DENND4A: variants seen among roughly 807,000 people sequenced by gnomAD.
The protein encoded by DENND4A is DENN domain containing 4A, also known as C-myc promoter-binding protein.
In DENND4A, 70 loss-of-function variants were observed where a neutral mutation model predicts 199.3. That is an observed-to-expected ratio of 0.35 (90% CI 0.29 to 0.43). The LOEUF (loss-of-function observed/expected upper bound fraction) is 0.43. DENND4A is among the 20% of genes least tolerant of loss of function. DENND4A has a pLI of 1.00. For synonymous variants in DENND4A, 686 were observed against 766.9 expected (o/e 0.89, Z 1.74); for missense variants, 1,723 against 2,255.8 (o/e 0.76, Z 4.78).
At chr15:65,764,501 T>C (rs1223095985) in intron 1 of DENND4A, among the ~76,000 whole-genome samples, 4 of 152,000 alleles carry the variant, frequency 2.6e-5, no homozygotes, top group Non-Finnish European at 4.4e-5. Flanking sequence ...CGTGGAGGCA[T>C]GTGCCTGTAA....
At chr15:65,741,550 A>T (rs2076262681) in intron 5 of DENND4A, among the ~76,000 whole-genome samples, 165 bp downstream of exon 5, 1 of 152,226 alleles carries the variant, frequency 6.6e-6, no homozygotes, top group Admixed American at 6.5e-5. Context: ...TCTTCCATCA[A>T]GCATCCAATA....
intron 24 of DENND4A, among the ~76,000 whole-genome samples, chr15:65,675,474 C>G (rs1372255743): frequency 1.3e-5 from 2 of 150,890 alleles, no homozygotes; most frequent in African/African-American, 2.4e-5. Context: ...AAAAAAACAC[C>G]CCCAAAAAAC....
At chr15:65,746,932 C>CT (rs1474908490) in intron 4 of DENND4A, among the ~76,000 whole-genome samples, 1 of 145,904 alleles carries the variant, frequency 6.9e-6, no homozygotes, top group Non-Finnish European at 1.5e-5. Flanking sequence ...CCTGTCTCTA[C>CT]TAAAAAAAAA....
In DENND4A at chr15:65,723,820, C is replaced by T. The variant is rs147665677; in HGVS notation, c.1488-872G>A. On this transcript the variant is annotated intron_variant, in intron 11 of 32. Transcript: ENST00000443035. Reference sequence around the variant, plus strand: ...TCTCAAAATAACTTATTGTACTGTACTCATGTACTTTCAGACTATAGTTGG... The same window carrying T: ...TCTCAAAATAACTTATTGTACTGTATTCATGTACTTTCAGACTATAGTTGG... Among the ~76,000 whole-genome samples, 1,005 of 152,272 alleles carry T rather than the reference C, an allele frequency of 6.6e-3. 11 individuals carry two copies. Among genetic ancestry groups the T allele is most frequent in the African/African-American group, 0.023 (965 of 41,558 alleles).
chr15:65,772,071 C>T lies in DENND4A; in HGVS notation c.-101-10633G>A, dbSNP rs536130620. 4.9e-6 allele frequency: 6 copies of T among 1,214,332 alleles called. No individual in the cohort carries two copies. The Admixed American group carries it at 5.2e-5, about 10-fold the overall frequency. 75.2% of individuals were successfully genotyped at this position (1,214,332 alleles called of 1,614,324 possible). On this transcript the variant is annotated intron_variant, in intron 1 of 32. Transcript: ENST00000443035. Reference sequence around the variant, plus strand: ...CTGCAGGAAACGCTGGGCCTTCTCGCGGTTGCCAGCATTCAGAGCCTCCTG... The same window carrying T: ...CTGCAGGAAACGCTGGGCCTTCTCGTGGTTGCCAGCATTCAGAGCCTCCTG...
chr15:65,707,689 A>AAT, intron 14 of DENND4A, among the ~76,000 whole-genome samples: 1 of 144,668 alleles, frequency 6.9e-6, no homozygotes, highest in African/African-American at 2.5e-5. Context: ...ACATATTATG[A>AAT]TTTTTTTTTT....
Position 65,702,515 on chromosome 15 carries a change from G to GA in DENND4A, c.2224-5dup, listed in dbSNP as rs773005075. The GA allele has an allele frequency of 6.4e-7, 1 of 1,564,524 alleles. No homozygotes were observed. Among genetic ancestry groups the GA allele is most frequent in the Non-Finnish European group, 8.7e-7 (1 of 1,154,526 alleles). ...TTTTATGGGCTGATTTAATTTCCTG[G>GA]AAAAAATATAAAGATCTTACTAATA... On this transcript the variant is annotated splice_polypyrimidine_tract_variant and splice_region_variant and intron_variant, in intron 16 of 32. Transcript: ENST00000443035.
intron 14 of DENND4A, 185 bp downstream of exon 14, chr15:65,715,293 A>G (rs1033677429): frequency 4.1e-6 from 2 of 492,616 alleles, no homozygotes; most frequent in Non-Finnish European, 6.8e-6. Flanking sequence ...AAATTCTACA[A>G]GGTAATTGTA....
At position 65,670,382 on chromosome 15, in the gene DENND4A, G is replaced by C. The variant is rs371148289; in HGVS notation, c.4465-194C>G. Among the ~76,000 whole-genome samples the C allele has an allele frequency of 7.2e-5, 11 of 152,264 alleles. No individual in the cohort carries two copies. In the South Asian group the frequency reaches 2.3e-3, roughly 32 times the overall value. ...TAAATCCATTCCAGAATTTTTGCCT[G>C]AAAGGGAAACTTGCTTTTAAGTGAG... is the stretch of plus-strand genomic sequence containing the variant. On this transcript the variant is annotated intron_variant, in intron 25 of 32. Coordinates refer to ENST00000443035, the MANE Select transcript of DENND4A (RefSeq NM_001320835.1).
At chr15:65,677,298 C>T (rs1157285911) in intron 23 of DENND4A, among the ~76,000 whole-genome samples, 7 of 152,184 alleles carry the variant, frequency 4.6e-5, no homozygotes, top group Non-Finnish European at 8.8e-5. Flanking sequence ...CAGCCTCTGC[C>T]TCCCAGGCTC....
In DENND4A at chr15:65,771,404, TC is replaced by T. The variant is rs2077120972; in HGVS notation, c.-101-9967del. 6 of 1,583,566 alleles carry T rather than the reference TC, an allele frequency of 3.8e-6. No homozygotes were observed. In the Admixed American group the frequency reaches 1.0e-4, roughly 26 times the overall value. On this transcript the variant is annotated intron_variant, in intron 1 of 32. Transcript: ENST00000443035. ...CATTCCTTTATATTCATTTTTAAAG[TC>T]CTTGCTGACATAATAAACACCACCC...
chr15:65,739,636 G>A (rs2076202954), intron 5 of DENND4A, among the ~76,000 whole-genome samples: 1 of 152,104 alleles, frequency 6.6e-6, no homozygotes, highest in African/African-American at 2.4e-5. Flanking sequence ...AGATAAACTG[G>A]GGGAATATAA....
At chr15:65,772,408 A>G (rs2077158506) in intron 1 of DENND4A, among the ~76,000 whole-genome samples, 1 of 152,124 alleles carries the variant, frequency 6.6e-6, no homozygotes, top group Non-Finnish European at 1.5e-5. Flanking sequence ...TCATGAAAGC[A>G]GAAAAAGACC....
intron 4 of DENND4A, among the ~76,000 whole-genome samples, chr15:65,752,068 C>T (rs1294912723): frequency 7.7e-6 from 1 of 130,472 alleles, no homozygotes; most frequent in African/African-American, 3.0e-5. Context: ...GGGATCTAGT[C>T]CCGTTGAGGT....
intron 14 of DENND4A, among the ~76,000 whole-genome samples, chr15:65,711,719 T>G (rs1050862592): frequency 1.3e-5 from 2 of 152,222 alleles, no homozygotes; most frequent in African/African-American, 4.8e-5. Flanking sequence ...ACTTTGTACA[T>G]CAATGGTGTA....
At position 65,668,094 on chromosome 15, in the gene DENND4A, G is replaced by A; in HGVS notation, c.4817C>T (p.Thr1606Ile). 1 of 1,579,372 alleles carries A rather than the reference G, an allele frequency of 6.3e-7. No homozygotes were observed. Among genetic ancestry groups the A allele is most frequent in the South Asian group, 1.2e-5 (1 of 84,748 alleles). The change falls in exon 28 of 33, where the codon ACC becomes ATC. Residue 1606 changes from threonine to isoleucine, a missense_variant. Physicochemically the swap from Thr to Ile is moderately conservative, Grantham distance 89. Transcript: ENST00000443035. ...SKSKLQENFCTRSIQIPANRS... is the reference protein window; with the variant it reads ...SKSKLQENFCIRSIQIPANRS... ...ATTAGCAGGGATCTGAATACTTCGG[G>A]TGCAAAAATTTTCCTGCAGTTTAGA...
intron 23 of DENND4A, among the ~76,000 whole-genome samples, chr15:65,684,955 G>T (rs1173528395): frequency 1.3e-5 from 2 of 151,370 alleles, no homozygotes; most frequent in African/African-American, 4.9e-5. Flanking sequence ...CTCCCAAGTA[G>T]CTGGGATTAC....
chr15:65,703,501 C>T (rs1362401227), intron 15 of DENND4A, among the ~76,000 whole-genome samples: 1 of 152,202 alleles, frequency 6.6e-6, no homozygotes, highest in Non-Finnish European at 1.5e-5. Context: ...CCAGGCCTTG[C>T]TCTCACATTC....
At chr15:65,680,323 A>C (rs2076528500) in intron 23 of DENND4A, among the ~76,000 whole-genome samples, 1 of 152,136 alleles carries the variant, frequency 6.6e-6, no homozygotes, top group Non-Finnish European at 1.5e-5. Flanking sequence ...AAAATTTCTC[A>C]TCTCCTGATG....
Sources: allele counts gnomAD v4.1 joint callset (sites outside exome capture counted in the v4.1 genomes callset), GRCh38; gene constraint gnomAD v4.1.1; transcripts MANE v1.5; gene names NCBI Gene and HGNC (gene_info 2026-07-23, HGNC 2026-07-21).